The following TRMT1L variants were observed in gnomAD, a reference collection of about 807,000 sequenced individuals.
TRMT1L encodes tRNA methyltransferase 1L.
Under a neutral mutation model 81.6 loss-of-function variants are expected in TRMT1L, and 28 were observed. That is an observed-to-expected ratio of 0.34 (90% CI 0.25 to 0.47). The LOEUF (loss-of-function observed/expected upper bound fraction) is 0.47, where lower values mean the gene tolerates loss of function less well. Ranked by LOEUF, TRMT1L falls within the 20% of genes least tolerant of loss-of-function variation. TRMT1L has a pLI of 1.00. For missense variants in TRMT1L, 739 were observed against 877.1 expected (o/e 0.84, Z 1.99); for synonymous variants, 301 against 303.2 (o/e 0.99, Z 0.07).
chr1:185,152,058 C>G, intron 1 of TRMT1L, 123 bp from the exon 2 acceptor site: 1 of 494,456 alleles, frequency 2.0e-6, no homozygotes, highest in South Asian at 4.8e-5. Context: ...ATGGGGAATA[C>G]TGCCACAACT....
chr1:185,147,798 A>G (rs1002782343), intron 3 of TRMT1L, among the ~76,000 whole-genome samples: 1 of 152,124 alleles, frequency 6.6e-6, no homozygotes, highest in Admixed American at 6.6e-5. Context: ...TCCTTTCACA[A>G]TTCCAATTAA....
chr1:185,139,291 G>T, intron 9 of TRMT1L, 76 bp downstream of exon 9: 2 of 1,217,042 alleles, frequency 1.6e-6, no homozygotes, highest in South Asian at 1.4e-5. Context: ...TTTGAATAAG[G>T]TAAGTACTTC....
intron 2 of TRMT1L, 152 bp downstream of exon 2, chr1:185,151,673 T>C (rs1653354375): frequency 1.3e-5 from 6 of 458,752 alleles, no homozygotes; most frequent in East Asian, 7.1e-5. Context: ...ACATAAGCGG[T>C]TGCCAATTTC....
intron 1 of TRMT1L, among the ~76,000 whole-genome samples, chr1:185,153,234 TA>T (rs748744679): frequency 1.3e-5 from 2 of 152,188 alleles, no homozygotes; most frequent in Non-Finnish European, 2.9e-5. Flanking sequence ...TGAATAAGTC[TA>T]AAATAAGTTT....
intron 11 of TRMT1L, among the ~76,000 whole-genome samples, chr1:185,126,440 A>G (rs1652631574): frequency 1.3e-5 from 2 of 152,112 alleles, no homozygotes; most frequent in African/African-American, 4.8e-5. Flanking sequence ...GATTACAGGC[A>G]TGAACCACCA....
rs767198333 is a variant in TRMT1L, at chr1:185,145,431, CA to C, written c.655+7del. 1 of 1,607,114 alleles carries C rather than the reference CA, an allele frequency of 6.2e-7. No individual in the cohort carries two copies. The highest frequency in any genetic ancestry group is 1.1e-5 in the South Asian group (1 of 90,434). Reference sequence around the variant, plus strand: ...ATATTAATATGTTAATGAGATTGCTCAACTTACCTGCAATATAACTAGATTT... The same window carrying C: ...ATATTAATATGTTAATGAGATTGCTCACTTACCTGCAATATAACTAGATTT... On this transcript the variant is annotated splice_region_variant and intron_variant, in intron 5 of 14. Transcript: ENST00000367506.
At chr1:185,145,664 T>C in intron 4 of TRMT1L, 96 bp from the exon 5 acceptor site, 1 of 1,230,784 alleles carries the variant, frequency 8.1e-7, no homozygotes, top group Non-Finnish European at 1.1e-6. Context: ...TTGGATTTAA[T>C]GGTATAGAAG....
At chr1:185,144,088 T>G in intron 5 of TRMT1L, 59 bp from the exon 6 acceptor site, 1 of 1,473,898 alleles carries the variant, frequency 6.8e-7, no homozygotes, top group Non-Finnish European at 9.1e-7. Flanking sequence ...AAACAAAAGA[T>G]TTCCAAGAAA....
At chr1:185,147,315 A>T (rs1341648745) in intron 3 of TRMT1L, 69 bp from the exon 4 acceptor site, 4 of 1,204,964 alleles carry the variant, frequency 3.3e-6, no homozygotes, top group Non-Finnish European at 4.9e-6. Flanking sequence ...ATTATAAGCA[A>T]GTTTTATTTT....
chr1:185,138,122 A>G (rs1297911976), intron 9 of TRMT1L, among the ~76,000 whole-genome samples: 1 of 152,000 alleles, frequency 6.6e-6, no homozygotes. Flanking sequence ...CTTTTTATCT[A>G]TTTTATTTCC....
chr1:185,156,347 T>C, intron 1 of TRMT1L, 131 bp downstream of exon 1: 1 of 1,600,532 alleles, frequency 6.2e-7, no homozygotes, highest in Non-Finnish European at 8.5e-7. Flanking sequence ...CGGGCCCCTC[T>C]TTCCTCCCCA....
In TRMT1L at chr1:185,156,819, A is replaced by G; in HGVS notation, c.-107T>C. 6.8e-7 allele frequency: 1 copy of G among 1,470,994 alleles called. No individual in the cohort carries two copies. Among genetic ancestry groups the G allele is most frequent in the Non-Finnish European group, 9.1e-7 (1 of 1,095,612 alleles). 91.1% of individuals were successfully genotyped at this position (1,470,994 alleles called of 1,614,324 possible). On this transcript the variant is annotated 5_prime_UTR_variant, in exon 1 of 15. Coordinates refer to ENST00000367506, the MANE Select transcript of TRMT1L (RefSeq NM_030934.5). ...CAGGGCTGGATCCAAGGAGTGGGGA[A>G]GCAAGTGGGGAGGGCGGGATGCGTG...
intron 9 of TRMT1L, among the ~76,000 whole-genome samples, chr1:185,138,888 G>C (rs1652965982): frequency 6.6e-6 from 1 of 152,176 alleles, no homozygotes; most frequent in South Asian, 2.1e-4. Flanking sequence ...CTGGGTTCAA[G>C]TGATTCTAGT....
At position 185,156,585 on chromosome 1, in the gene TRMT1L, A is replaced by T. The variant is rs771204230; in HGVS notation, c.128T>A (p.Leu43Gln). 1 of 1,599,672 alleles carries T rather than the reference A, an allele frequency of 6.3e-7. No homozygotes were observed. Among genetic ancestry groups the T allele is most frequent in the Non-Finnish European group, 8.5e-7 (1 of 1,173,300 alleles). ...CGAGGCCGGAGTCGGAGCCGAGTCCAGAGCCGAATCCGGGGCCGGAGCTGG... is the reference window on the plus strand; with the variant it reads ...CGAGGCCGGAGTCGGAGCCGAGTCCTGAGCCGAATCCGGGGCCGGAGCTGG... ...GVPAPAPDSALDSAPTPASAP... is the reference protein window; with the variant it reads ...GVPAPAPDSAQDSAPTPASAP... The change falls in exon 1 of 15, where the codon CTG (leucine) becomes CAG (glutamine). Residue 43 changes from leucine to glutamine, a missense_variant. Transcript: ENST00000367506.
intron 1 of TRMT1L, among the ~76,000 whole-genome samples, chr1:185,155,578 G>A (rs758526882): frequency 1.3e-5 from 2 of 152,030 alleles, no homozygotes; most frequent in Non-Finnish European, 2.9e-5. Context: ...CCTAGAAGTA[G>A]AAAAAATAAT....
chr1:185,139,343 A>T (rs1198056644), intron 9 of TRMT1L, 24 bp downstream of exon 9: 1 of 1,594,862 alleles, frequency 6.3e-7, no homozygotes, highest in South Asian at 1.1e-5. Flanking sequence ...AAACACACTA[A>T]GTACACTGTT....
At position 185,156,524 on chromosome 1, in the gene TRMT1L, C is replaced by G. The variant is rs1653579240; in HGVS notation, c.189G>C (p.Pro63=). 6.2e-7 allele frequency: 1 copy of G among 1,613,026 alleles called. No individual in the cohort carries two copies. The highest frequency in any genetic ancestry group is 1.3e-5 in the African/African-American group (1 of 74,902). ...CAGAGGCTAGGGACGGGGACAGGGCCGGAGCCTGGGCCAGGGCAGGGGCTG... is the reference window on the plus strand; with the variant it reads ...CAGAGGCTAGGGACGGGGACAGGGCGGGAGCCTGGGCCAGGGCAGGGGCTG... ...PAPAPALAQA[P]ALSPSLASAP... The change falls in exon 1 of 15, where the codon CCG becomes CCC. Residue 63 remains proline, a synonymous_variant. Coordinates refer to ENST00000367506, the MANE Select transcript of TRMT1L (RefSeq NM_030934.5).
chr1:185,132,518 C>CA lies in TRMT1L; in HGVS notation c.1514-3772dup, dbSNP rs919045927. Among the ~76,000 whole-genome samples the CA allele has an allele frequency of 2.4e-3, 323 of 131,960 alleles. 2 individuals carry two copies. Among genetic ancestry groups the CA allele is most frequent in the Non-Finnish European group, 3.9e-3 (242 of 62,032 alleles). 86.6% of individuals were successfully genotyped at this position (131,960 alleles called of 152,430 possible). On this transcript the variant is annotated intron_variant, in intron 10 of 14. Coordinates refer to ENST00000367506, the MANE Select transcript of TRMT1L (RefSeq NM_030934.5). Reference sequence around the variant, plus strand: ...TGGGTGACATAGCGATACTCCACCTCAAAAAAAAAATAAATAAAAATAAAA... The same window carrying CA: ...TGGGTGACATAGCGATACTCCACCTCAAAAAAAAAAATAAATAAAAATAAAA...
intron 2 of TRMT1L, 41 bp downstream of exon 2, chr1:185,151,784 T>C: frequency 1.5e-6 from 2 of 1,319,302 alleles, no homozygotes; most frequent in Non-Finnish European, 2.1e-6. Flanking sequence ...TGATAAATTA[T>C]TAGAAACTAA....
Sources: gnomAD v4.1 joint callset for allele counts (sites outside exome capture counted in the v4.1 genomes callset) on GRCh38, gnomAD v4.1.1 for gene constraint, MANE v1.5 for transcripts, NCBI Gene and HGNC (gene_info 2026-07-23, HGNC 2026-07-21) for gene names.